Variants in IL17D observed in about 807,000 individuals in gnomAD.
IL17D encodes interleukin 17D.
IL17D carries 10 observed loss-of-function variants against 5.7 expected under a neutral mutation model. The ratio of observed to expected loss-of-function variants is 1.75; its 90% CI spans 1.08 to 2.97. The LOEUF is 2.97. Among genes scored for constraint, IL17D ranks in the 30% most tolerant of loss-of-function variants. The pLI is 0.00. For missense variants in IL17D, 354 were observed against 292.7 expected, an observed-to-expected ratio of 1.21 and a Z score of -1.53; for synonymous variants, 172 against 141.7, an observed-to-expected ratio of 1.21 and a Z score of -1.52.
chr13:20,717,178 C>T (rs1370692598), intron 1 of IL17D: 1 of 152,296 alleles, frequency 6.6e-6, no homozygotes, highest in East Asian at 1.9e-4. Context: ...GTCACTCGCT[C>T]AAGCCAAGCT....
At chr13:20,708,009 T>G (rs901130338) in intron 1 of IL17D, among the ~76,000 whole-genome samples, 1 of 152,126 alleles carries the variant, frequency 6.6e-6, no homozygotes, top group Non-Finnish European at 1.5e-5. Context: ...ATCTCCTGGG[T>G]TCAAGCAATT....
upstream of IL17D, chr13:20,702,636 C>T (rs2058554119): frequency 6.6e-6 from 1 of 152,224 alleles, no homozygotes; most frequent in Admixed American, 6.5e-5. Context: ...CGCAGACTAT[C>T]AGGCTCATTT....
intron 1 of IL17D, among the ~76,000 whole-genome samples, chr13:20,710,069 G>A (rs754089432): frequency 2.0e-5 from 3 of 152,268 alleles, no homozygotes; most frequent in Middle Eastern, 3.4e-3. Flanking sequence ...CTCTGGTTCC[G>A]TCTAGCCCAA....
Position 20,722,246 on chromosome 13 carries a change from C to T in IL17D, c.*292C>T. 2.5e-6 allele frequency: 1 copy of T among 398,798 alleles called. No individual in the cohort carries two copies. Among genetic ancestry groups the T allele is most frequent in the Non-Finnish European group, 4.5e-6 (1 of 224,478 alleles). The allele number at this position is 398,798 out of a possible 1,614,324, so 24.7% of individuals were successfully genotyped here. A position where few individuals can be genotyped will look rare whatever the true frequency, so the allele number is the denominator to read the frequency against. ...GAGGGTTTGGAAAAGTTCACGGAGG[C>T]TCCCTGAGGAGCCTCTCAGATCGGC... is the stretch of plus-strand genomic sequence containing the variant. On this transcript the variant is annotated 3_prime_UTR_variant, in exon 2 of 2. Coordinates refer to ENST00000682841, the MANE Select transcript of IL17D (RefSeq NM_001385224.1).
At chr13:20,703,628 G>GT (rs2058561891), upstream of IL17D, 2 of 161,186 alleles carry the variant, frequency 1.2e-5, no homozygotes, top group Admixed American at 1.3e-4. Flanking sequence ...GCGCCCGGGG[G>GT]TGAGGGTGCG....
intron 1 of IL17D, among the ~76,000 whole-genome samples, chr13:20,715,451 G>C (rs896094434): frequency 1.3e-5 from 2 of 152,188 alleles, no homozygotes; most frequent in Admixed American, 1.3e-4. Context: ...CAATCATCCA[G>C]TTGTTTGCCA....
intron 1 of IL17D, among the ~76,000 whole-genome samples, chr13:20,709,042 C>T (rs961051872): frequency 2.6e-5 from 4 of 151,380 alleles, no homozygotes; most frequent in African/African-American, 7.3e-5. Context: ...GGGACTGTTC[C>T]CGGGGAAGGA....
intron 1 of IL17D, among the ~76,000 whole-genome samples, chr13:20,710,648 A>G (rs2058629003): frequency 6.7e-6 from 1 of 150,198 alleles, no homozygotes; most frequent in East Asian, 1.9e-4. Context: ...AAAAAAAAAA[A>G]AAAAGAAACC....
chr13:20,718,930 C>G (rs1387252568), intron 1 of IL17D, among the ~76,000 whole-genome samples: 1 of 140,954 alleles, frequency 7.1e-6, no homozygotes, highest in Non-Finnish European at 1.5e-5. Flanking sequence ...CAACACACAC[C>G]TGCCCACGCT....
At chr13:20,709,193 A>G (rs1172810926) in intron 1 of IL17D, among the ~76,000 whole-genome samples, 1 of 148,448 alleles carries the variant, frequency 6.7e-6, no homozygotes, top group Non-Finnish European at 1.5e-5. Flanking sequence ...CAAGGTTGTG[A>G]AGGAAAGGCA....
chr13:20,715,405 G>A (rs182939968), intron 1 of IL17D, among the ~76,000 whole-genome samples: 54 of 152,288 alleles, frequency 3.5e-4, no homozygotes, highest in African/African-American at 9.9e-4. Context: ...GTCCTGGGCC[G>A]GTATGGTCAT....
At chr13:20,708,241 AAGAC>A (rs1212636225) in intron 1 of IL17D, among the ~76,000 whole-genome samples, 1 of 152,230 alleles carries the variant, frequency 6.6e-6, no homozygotes, top group African/African-American at 2.4e-5. Flanking sequence ...AATGCTGAGA[AAGAC>A]AGATAGGGAG....
rs1333731567 is a variant in IL17D at position 20,721,734 on chromosome 13, G to T, written c.389G>T (p.Arg130Leu). Residue 130 changes from arginine to leucine, a missense_variant, in exon 2 of 2, where the codon CGC becomes CTC. Arg to Leu is a moderately radical substitution (Grantham distance 102, BLOSUM62 -2). Coordinates refer to ENST00000682841, the MANE Select transcript of IL17D (RefSeq NM_001385224.1). The stretch of plus-strand genomic sequence containing the variant: ...GGGCTGTTCGGCGAGGAGGACGTGC[G>T]CTTCCGCAGCGCCCCTGTCTACATG... ...LTGLFGEEDV[R>L]FRSAPVYMPT... is the part of the protein sequence containing the mutation. 2.5e-6 allele frequency: 4 copies of T among 1,610,752 alleles called. No homozygotes were observed. The highest frequency in any genetic ancestry group is 3.4e-6 in the Non-Finnish European group (4 of 1,179,492).
intron 1 of IL17D, chr13:20,713,958 C>A (rs2058659838): frequency 6.6e-6 from 1 of 152,342 alleles, no homozygotes. Context: ...GTGGACTCCC[C>A]CCTTGGTGCG....
At chr13:20,721,496 G>T in intron 1 of IL17D, 140 bp from the exon 2 acceptor site, 4 of 633,046 alleles carry the variant, frequency 6.3e-6, no homozygotes, top group Non-Finnish European at 8.0e-6. Flanking sequence ...TGTTGTCGGC[G>T]GGGGGCCTCG....
chr13:20,702,560 T>C (rs1047197160), upstream of IL17D: 1 of 152,266 alleles, frequency 6.6e-6, no homozygotes, highest in Non-Finnish European at 1.5e-5. Flanking sequence ...ACTTGCAGAA[T>C]GAACAAACGA....
At chr13:20,712,736 C>G (rs2058649581) in intron 1 of IL17D, 1 of 151,746 alleles carries the variant, frequency 6.6e-6, no homozygotes, top group African/African-American at 2.4e-5. Flanking sequence ...TCCCCACTGT[C>G]TTGAGCACCG....
Position 20,721,921 on chromosome 13 carries a change from G to C in IL17D, c.576G>C (p.Leu192=), listed in dbSNP as rs980146135. Residue 192 remains leucine (L), a synonymous_variant, in exon 2 of 2, where the codon CTG becomes CTC. Coordinates refer to ENST00000682841, the MANE Select transcript of IL17D (RefSeq NM_001385224.1). ...SSIDKQGAKL[L]LGPNDAPAGP is the part of the protein sequence containing the mutation. ...TCGACAAACAGGGCGCCAAGCTCCT[G>C]CTGGGCCCCAACGACGCGCCCGCTG... 6.2e-7 allele frequency: 1 copy of C among 1,603,380 alleles called. No individual in the cohort carries two copies. Among genetic ancestry groups the C allele is most frequent in the African/African-American group, 1.3e-5 (1 of 74,932 alleles).
Position 20,721,933 on chromosome 13 carries a change from C to A in IL17D, c.588C>A (p.Asn196Lys), listed in dbSNP as rs754420264. The A allele has an allele frequency of 6.3e-7, 1 of 1,598,062 alleles. No homozygotes were observed. Among genetic ancestry groups the A allele is most frequent in the Non-Finnish European group, 8.5e-7 (1 of 1,175,256 alleles). ...KQGAKLLLGPNDAPAGP is the reference protein window; with the variant it reads ...KQGAKLLLGPKDAPAGP ...GCGCCAAGCTCCTGCTGGGCCCCAA[C>A]GACGCGCCCGCTGGCCCCTGAGGCC... Residue 196 changes from asparagine to lysine, a missense_variant, in exon 2 of 2, where the codon AAC becomes AAA. Coordinates refer to ENST00000682841, the MANE Select transcript of IL17D (RefSeq NM_001385224.1).
Sources: gnomAD v4.1 joint callset for allele counts (sites outside exome capture counted in the v4.1 genomes callset) on GRCh38, gnomAD v4.1.1 for gene constraint, MANE v1.5 for transcripts, NCBI Gene and HGNC (gene_info 2026-07-23, HGNC 2026-07-21) for gene names.